The following ALG1L2 variants were observed in gnomAD, a reference collection of about 807,000 sequenced individuals.
ALG1L2 encodes ALG1 chitobiosyldiphosphodolichol beta-mannosyltransferase like 2, also known as putative glycosyltransferase ALG1L2.
ALG1L2 carries 32 observed loss-of-function variants against 29.0 expected under a neutral mutation model. The observed-to-expected ratio is 1.10, with a 90% confidence interval of 0.83 to 1.48. ALG1L2 has a LOEUF of 1.48. Ranked by LOEUF, ALG1L2 falls within the 40% of genes most tolerant of loss-of-function variation. ALG1L2 has a pLI of 0.00. For synonymous variants in ALG1L2, 110 were observed against 109.5 expected, an observed-to-expected ratio of 1.00 and a Z score of -0.03; for missense variants, 318 against 274.1, an observed-to-expected ratio of 1.16 and a Z score of -1.13.
intron 1 of ALG1L2, among the ~76,000 whole-genome samples, chr3:130,082,595 C>T (rs1934811851): frequency 7.4e-6 from 1 of 134,950 alleles, no homozygotes; most frequent in Admixed American, 7.7e-5. Context: ...ACCTCAGCCT[C>T]CCAAAGTGCT....
chr3:130,092,323 C>A (rs150805842), intron 3 of ALG1L2, 101 bp downstream of exon 3: 5 of 1,592,220 alleles, frequency 3.1e-6, no homozygotes, highest in East Asian at 4.5e-5. Flanking sequence ...AACCCCACCA[C>A]GGTCTCAGTG....
intron 1 of ALG1L2, among the ~76,000 whole-genome samples, chr3:130,085,534 G>A (rs1934870941): frequency 6.7e-6 from 1 of 149,944 alleles, no homozygotes; most frequent in Non-Finnish European, 1.5e-5. Flanking sequence ...ACTGCACCTG[G>A]CCAATTTCCC....
rs539579203 is a variant in ALG1L2 at position 130,081,840 on chromosome 3, G to C, written c.-177G>C. On this transcript the variant is annotated 5_prime_UTR_variant, in exon 1 of 8. Coordinates refer to ENST00000425059, the MANE Select transcript of ALG1L2 (RefSeq NM_001136152.1). ...TGAGGAAGGCTTCCAGGTGGGAGGT[G>C]ACACCAGGAGGTAACCAGGTGGAAA... 59 of 897,262 alleles carry C rather than the reference G, an allele frequency of 6.6e-5. No individual in the cohort carries two copies. The highest frequency in any genetic ancestry group is 9.6e-5 in the Non-Finnish European group (55 of 571,832). The allele number at this position is 897,262 out of a possible 1,614,324, so 55.6% of individuals were successfully genotyped here. A position where few individuals can be genotyped will look rare whatever the true frequency, so the allele number is the denominator to read the frequency against.
intron 1 of ALG1L2, among the ~76,000 whole-genome samples, chr3:130,084,292 C>CCT (rs1293975740): frequency 2.3e-5 from 3 of 133,026 alleles, no homozygotes; most frequent in South Asian, 2.4e-4. Flanking sequence ...ACCCCATTTC[C>CCT]CCCCCTCAAA....
intron 3 of ALG1L2, 129 bp downstream of exon 3, chr3:130,092,351 G>A: frequency 3.1e-6 from 5 of 1,598,778 alleles, no homozygotes; most frequent in Non-Finnish European, 4.3e-6. Context: ...GAGGGCGTGT[G>A]AGCTGGAAGA....
chr3:130,082,629 C>G (rs1375264724), intron 1 of ALG1L2, among the ~76,000 whole-genome samples: 3 of 140,942 alleles, frequency 2.1e-5, no homozygotes, highest in African/African-American at 7.4e-5. Flanking sequence ...TGAGCCCCTG[C>G]AGCCAGTCTG....
At chr3:130,093,028 A>G in intron 3 of ALG1L2, 73 bp from the exon 4 acceptor site, 7 of 1,067,836 alleles carry the variant, frequency 6.6e-6, no homozygotes, top group Non-Finnish European at 8.8e-6. Flanking sequence ...AGAGTCTGTC[A>G]GAAAAAAAAA....
intron 1 of ALG1L2, chr3:130,090,806 G>T (rs1269781301): frequency 5.9e-6 from 1 of 170,938 alleles, no homozygotes; most frequent in Admixed American, 5.5e-5. Context: ...ATTCCAGAAG[G>T]TTCCAGAAGG....
chr3:130,097,244 G>A lies in ALG1L2; in HGVS notation c.609G>A (p.Gln203=), dbSNP rs1221671996. 20 of 1,608,030 alleles carry A rather than the reference G, an allele frequency of 1.2e-5. No homozygotes were observed. The highest frequency in any genetic ancestry group is 1.4e-5 in the Non-Finnish European group (17 of 1,179,714). ...VFEDSEELAA[Q]LQYFADAFLK... ...AGGACTCAGAGGAACTGGCAGCTCAGCTGCAGGTAGCCATGTCTGCCACCA... is the reference window on the plus strand; with the variant it reads ...AGGACTCAGAGGAACTGGCAGCTCAACTGCAGGTAGCCATGTCTGCCACCA... Residue 203 remains glutamine (Q), a synonymous_variant, in exon 7 of 8, where the codon CAG becomes CAA. Transcript: ENST00000425059.
intron 3 of ALG1L2, among the ~76,000 whole-genome samples, chr3:130,092,479 C>T (rs1025644108): frequency 2.0e-5 from 3 of 152,200 alleles, no homozygotes; most frequent in African/African-American, 7.2e-5. Context: ...GCTCTGGGCT[C>T]GTCGGGGCCA....
chr3:130,092,314 A>G, intron 3 of ALG1L2, 92 bp downstream of exon 3: 1 of 1,589,858 alleles, frequency 6.3e-7, no homozygotes, highest in Non-Finnish European at 8.6e-7. Context: ...GCATGCCCCA[A>G]CCCCACCACG....
chr3:130,085,824 C>A (rs1187693024), intron 1 of ALG1L2, among the ~76,000 whole-genome samples: 2 of 149,092 alleles, frequency 1.3e-5, no homozygotes, highest in African/African-American at 4.8e-5. Context: ...GGGTGGGGAA[C>A]CTAAATTTGC....
chr3:130,082,678 A>C (rs1934813531), intron 1 of ALG1L2, among the ~76,000 whole-genome samples: 1 of 146,506 alleles, frequency 6.8e-6, no homozygotes, highest in South Asian at 2.2e-4. Flanking sequence ...GGGGCAATAG[A>C]ACACGTGCGT....
intron 5 of ALG1L2, 127 bp downstream of exon 5, chr3:130,094,640 G>C: frequency 7.4e-6 from 8 of 1,085,752 alleles, no homozygotes; most frequent in Non-Finnish European, 1.0e-5. Flanking sequence ...CTGGGCTCTA[G>C]CTGAACTCCC....
intron 2 of ALG1L2, 122 bp from the exon 3 acceptor site, chr3:130,091,979 G>T: frequency 6.6e-7 from 1 of 1,508,048 alleles, no homozygotes; most frequent in Admixed American, 2.0e-5. Flanking sequence ...GCCTGGTGCT[G>T]CTGATGCAGC....
chr3:130,084,044 T>G (rs1453509042), intron 1 of ALG1L2, among the ~76,000 whole-genome samples: 2 of 151,216 alleles, frequency 1.3e-5, no homozygotes. Flanking sequence ...GCAGTGGCCA[T>G]GGGGCATCCT....
chr3:130,094,447 A>C lies in ALG1L2; in HGVS notation c.358A>C (p.Lys120Gln), dbSNP rs1396732091. The change falls in exon 5 of 8, where the codon AAG becomes CAG. Residue 120 changes from lysine (K) to glutamine (Q), a missense_variant. Transcript: ENST00000425059. Reference protein sequence around the residue: ...REYYSRLIHQKHFQHIQVCIP... With the variant: ...REYYSRLIHQQHFQHIQVCIP... ...GTATTACAGCCGCCTCATCCACCAG[A>C]AGCATTTCCAGCACATCCAGGTCTG... The C allele has an allele frequency of 6.3e-7, 1 of 1,596,132 alleles. No homozygotes were observed. The highest frequency in any genetic ancestry group is 8.5e-7 in the Non-Finnish European group (1 of 1,179,688).
Position 130,094,431 on chromosome 3 carries a change from C to A in ALG1L2, c.342C>A (p.Ser114Arg), listed in dbSNP as rs1455202675. The stretch of plus-strand genomic sequence containing the variant: ...AAGGGCCTCTGAGGGAGTATTACAG[C>A]CGCCTCATCCACCAGAAGCATTTCC... ...TGKGPLREYY[S>R]RLIHQKHFQH... Residue 114 changes from serine (S) to arginine (R), a missense_variant, in exon 5 of 8, where the codon AGC becomes AGA. By Grantham distance (110) the Ser-to-Arg change is moderately radical. Transcript: ENST00000425059. The A allele has an allele frequency of 1.9e-6, 3 of 1,596,160 alleles. No individual in the cohort carries two copies. The highest frequency in any genetic ancestry group is 8.5e-7 in the Non-Finnish European group (1 of 1,179,660).
At chr3:130,085,999 C>A (rs1362819887) in intron 1 of ALG1L2, among the ~76,000 whole-genome samples, 2 of 151,420 alleles carry the variant, frequency 1.3e-5, no homozygotes, top group Non-Finnish European at 3.0e-5. Flanking sequence ...GTGAGGCAGA[C>A]GAGGAACACT....
Sources: gnomAD v4.1 joint callset for allele counts (sites outside exome capture counted in the v4.1 genomes callset) on GRCh38, gnomAD v4.1.1 for gene constraint, MANE v1.5 for transcripts, NCBI Gene and HGNC (gene_info 2026-07-23, HGNC 2026-07-21) for gene names.